CCDC68: variants seen among roughly 807,000 people sequenced by gnomAD.
The protein encoded by CCDC68 is coiled-coil domain-containing protein 68.
In CCDC68, 45 loss-of-function variants were observed where a neutral mutation model predicts 47.1. That is an observed-to-expected ratio of 0.96 (90% CI 0.75 to 1.23). CCDC68 has a LOEUF of 1.23. Ranked by LOEUF, CCDC68 falls within the 50% of genes most tolerant of loss-of-function variation. CCDC68 has a pLI of 0.00. For synonymous variants in CCDC68, 131 were observed against 129.5 expected (o/e 1.01, Z -0.08); for missense variants, 353 against 373.6 (o/e 0.94, Z 0.45).
intron 10 of CCDC68, among the ~76,000 whole-genome samples, chr18:54,916,713 C>T (rs1195756659): frequency 6.6e-6 from 1 of 152,106 alleles, no homozygotes. Context: ...GCAGGGGCAT[C>T]GCCAGCAGAG....
intron 8 of CCDC68, among the ~76,000 whole-genome samples, chr18:54,927,757 A>G (rs2044169665): frequency 6.6e-6 from 1 of 152,240 alleles, no homozygotes; most frequent in Non-Finnish European, 1.5e-5. Context: ...ACATATTGGT[A>G]TCCTAGTATG....
Position 54,936,974 on chromosome 18 carries a change from C to T in CCDC68, c.346-16G>A. ...AGGCTTGCAGCTAGAAAAAAGGTCACTATGCATGTTCTGACATTTACAACA... is the reference window on the plus strand; with the variant it reads ...AGGCTTGCAGCTAGAAAAAAGGTCATTATGCATGTTCTGACATTTACAACA... On this transcript the variant is annotated splice_polypyrimidine_tract_variant and intron_variant, in intron 5 of 11. Transcript: ENST00000591504. The T allele has an allele frequency of 6.2e-7, 1 of 1,613,952 alleles. No homozygotes were observed. Among genetic ancestry groups the T allele is most frequent in the Non-Finnish European group, 8.5e-7 (1 of 1,179,928 alleles).
chr18:54,956,489 T>C (rs1457333450), intron 1 of CCDC68, among the ~76,000 whole-genome samples: 1 of 152,220 alleles, frequency 6.6e-6, no homozygotes, highest in Non-Finnish European at 1.5e-5. Flanking sequence ...TGTATCTGTT[T>C]TACCATGCAA....
intron 10 of CCDC68, among the ~76,000 whole-genome samples, chr18:54,914,709 A>T (rs2043915579): frequency 6.6e-6 from 1 of 152,230 alleles, no homozygotes; most frequent in Non-Finnish European, 1.5e-5. Context: ...AGGTTCTGTC[A>T]CATTACTGTA....
intron 6 of CCDC68, among the ~76,000 whole-genome samples, chr18:54,936,269 AGT>A (rs1568152207): frequency 6.9e-6 from 1 of 145,730 alleles, no homozygotes; most frequent in Non-Finnish European, 1.5e-5. Flanking sequence ...AAAAATATAT[AGT>A]TATATATTTT....
chr18:54,929,408 G>A (rs542707681), intron 7 of CCDC68, among the ~76,000 whole-genome samples: 6 of 152,336 alleles, frequency 3.9e-5, no homozygotes, highest in African/African-American at 1.4e-4. Flanking sequence ...AGGAGAAACT[G>A]AGATTGCAAT....
chr18:54,936,238 A>ACT (rs1568152095), intron 6 of CCDC68, among the ~76,000 whole-genome samples: 1 of 144,198 alleles, frequency 6.9e-6, no homozygotes, highest in Non-Finnish European at 1.5e-5. Flanking sequence ...ATTTTTAAAA[A>ACT]ATATATAGTT....
At chr18:54,949,911 T>A (rs1401696941) in intron 1 of CCDC68, among the ~76,000 whole-genome samples, 2 of 152,190 alleles carry the variant, frequency 1.3e-5, no homozygotes, top group African/African-American at 2.4e-5. Context: ...CATGTCCAAG[T>A]GGCAGGAAAT....
Position 54,907,845 on chromosome 18 carries a change from G to A in CCDC68, c.891C>T (p.Thr297=). 1.2e-6 allele frequency: 2 copies of A among 1,603,882 alleles called. No homozygotes were observed. Among genetic ancestry groups the A allele is most frequent in the Non-Finnish European group, 1.7e-6 (2 of 1,170,926 alleles). ...ILEAQNKELK[T]QVALSSETPR... ...GAGTTTCAGATGAAAGTGCTACCTGGGTTTTTAGTTCTTTATTCTAAAATT... is the reference window on the plus strand; with the variant it reads ...GAGTTTCAGATGAAAGTGCTACCTGAGTTTTTAGTTCTTTATTCTAAAATT... The change falls in exon 11 of 12, where the codon ACC becomes ACT. Residue 297 remains threonine (T), a synonymous_variant. Transcript: ENST00000591504.
At chr18:54,950,788 G>GTATA (rs759466735) in intron 1 of CCDC68, among the ~76,000 whole-genome samples, 7 of 97,302 alleles carry the variant, frequency 7.2e-5, no homozygotes, top group Non-Finnish European at 1.0e-4. Context: ...TATCTTCAGT[G>GTATA]TATATATATA....
At chr18:54,936,357 T>C (rs1235447948) in intron 6 of CCDC68, among the ~76,000 whole-genome samples, 1 of 149,692 alleles carries the variant, frequency 6.7e-6, no homozygotes, top group East Asian at 1.9e-4. Flanking sequence ...GATACATATT[T>C]TGTTTTCTGT....
intron 6 of CCDC68, among the ~76,000 whole-genome samples, chr18:54,935,719 A>G (rs943472259): frequency 4.6e-5 from 7 of 152,148 alleles, no homozygotes; most frequent in African/African-American, 1.7e-4. Context: ...CATCACTACC[A>G]CAGCCTGATG....
intron 1 of CCDC68, among the ~76,000 whole-genome samples, chr18:54,951,301 T>C (rs1036017812): frequency 6.6e-6 from 1 of 152,162 alleles, no homozygotes; most frequent in African/African-American, 2.4e-5. Context: ...CAATGTTCAG[T>C]TCAGCAACTA....
At chr18:54,918,103 TA>T (rs897562306) in intron 9 of CCDC68, 107 bp from the exon 10 acceptor site, 1,000 of 555,040 alleles carry the variant, frequency 1.8e-3, no homozygotes, top group Middle Eastern at 2.9e-3. Context: ...TTCATCAAAT[TA>T]AAAAAAAAAT....
At chr18:54,938,231 A>C in intron 4 of CCDC68, 134 bp from the exon 5 acceptor site, 10 of 771,860 alleles carry the variant, frequency 1.3e-5, no homozygotes, top group African/African-American at 3.6e-5. Context: ...TTTGAATCTC[A>C]AATATCAATG....
intron 1 of CCDC68, among the ~76,000 whole-genome samples, chr18:54,951,640 T>G (rs1226392383): frequency 1.3e-5 from 2 of 152,232 alleles, no homozygotes; most frequent in African/African-American, 4.8e-5. Context: ...CCTCAACTTC[T>G]TGGGCCCAAG....
At position 54,937,966 on chromosome 18, in the gene CCDC68, C is replaced by T. The variant is rs1165008418; in HGVS notation, c.336G>A (p.Leu112=). The change falls in exon 5 of 12, where the codon TTG becomes TTA. Residue 112 remains leucine (L), a synonymous_variant. Transcript: ENST00000591504. ...LLEMNKENEV[L]KIKLQASREA... is the part of the protein sequence containing the mutation. ...CTTCTAAAAGTCATACCTTGATTTT[C>T]AATACTTCATTCTCTTTGTTCATTT... is the stretch of plus-strand genomic sequence containing the variant. 5.0e-6 allele frequency: 8 copies of T among 1,609,440 alleles called. No homozygotes were observed. In the African/African-American group the frequency reaches 5.4e-5, roughly 11 times the overall value.
In CCDC68 at chr18:54,917,912, C is replaced by G. The variant is rs899937495; in HGVS notation, c.873+1G>C. 3 of 1,562,904 alleles carry G rather than the reference C, an allele frequency of 1.9e-6. No homozygotes were observed. In the African/African-American group the frequency reaches 4.1e-5, roughly 21 times the overall value. On this transcript the variant is annotated splice_donor_variant, in intron 10 of 11. Coordinates refer to ENST00000591504, the MANE Select transcript of CCDC68 (RefSeq NM_025214.3). LOFTEE classifies it high-confidence loss of function. Reference sequence around the variant, plus strand: ...AAATGTAAGACAGGTTCCCTCCTTACCTGGGCTTCAAGTATGTTAACCTTT... The same window carrying G: ...AAATGTAAGACAGGTTCCCTCCTTAGCTGGGCTTCAAGTATGTTAACCTTT...
intron 8 of CCDC68, among the ~76,000 whole-genome samples, chr18:54,922,407 T>C (rs1568141428): frequency 6.6e-6 from 1 of 151,586 alleles, no homozygotes; most frequent in East Asian, 1.9e-4. Context: ...TCCGGGGAGA[T>C]TGGGAGTGTG....
Sources: allele counts gnomAD v4.1 joint callset (sites outside exome capture counted in the v4.1 genomes callset), GRCh38; gene constraint gnomAD v4.1.1; transcripts MANE v1.5; gene names NCBI Gene and HGNC (gene_info 2026-07-23, HGNC 2026-07-21).